Variants in DLC1 observed in about 807,000 individuals in gnomAD.
The protein encoded by DLC1 is rho GTPase-activating protein 7.
Under a neutral mutation model 140.3 loss-of-function variants are expected in DLC1, and 54 were observed. The ratio of observed to expected loss-of-function variants is 0.38; its 90% CI spans 0.31 to 0.48. The LOEUF is 0.48. Among genes scored for constraint, DLC1 ranks in the 20% least tolerant of loss-of-function variants. The pLI, the probability that DLC1 is intolerant of heterozygous loss-of-function variation, is 0.96. For missense variants in DLC1, 2,536 were observed against 1,907.0 expected (o/e 1.33, Z -6.14); for synonymous variants, 986 against 728.1 (o/e 1.35, Z -5.70).
At chr8:13,234,277 G>A (rs1464271221) in intron 5 of DLC1, among the ~76,000 whole-genome samples, 6 of 152,094 alleles carry the variant, frequency 3.9e-5, no homozygotes, top group African/African-American at 1.4e-4. Flanking sequence ...TACTTTTCAT[G>A]TAACTTATTT....
intron 2 of DLC1, among the ~76,000 whole-genome samples, chr8:13,475,402 G>A (rs985558283): frequency 6.6e-6 from 1 of 152,130 alleles, no homozygotes; most frequent in Non-Finnish European, 1.5e-5. Context: ...CCCAGTAAAA[G>A]GCCATCTTTT....
chr8:13,427,043 G>A (rs1000211588), intron 2 of DLC1, among the ~76,000 whole-genome samples: 1 of 152,146 alleles, frequency 6.6e-6, no homozygotes, highest in South Asian at 2.1e-4. Context: ...GGGAGTTCCT[G>A]CTGTTTGCTG....
rs545705037 is a variant in DLC1, at chr8:13,176,301, G to A, written c.1349-60644C>T. The stretch of plus-strand genomic sequence containing the variant: ...TTCTAATAAAAACTCTCTTTTGTCC[G>A]GGTGTGGTGGTTCACTCCTGTAATC... On this transcript the variant is annotated intron_variant, in intron 5 of 17. Transcript: ENST00000276297. 3.3e-4 allele frequency among the ~76,000 whole-genome samples: 51 copies of A among 152,252 alleles called. No homozygotes were observed. The South Asian group carries it at 5.4e-3, about 16-fold the overall frequency.
chr8:13,440,866 C>T (rs562643351), intron 2 of DLC1, among the ~76,000 whole-genome samples: 1 of 152,148 alleles, frequency 6.6e-6, no homozygotes, highest in Non-Finnish European at 1.5e-5. Context: ...GATTCTGAGG[C>T]CTCTCCAGCC....
intron 1 of DLC1, among the ~76,000 whole-genome samples, chr8:13,560,760 G>C (rs944554961): frequency 3.3e-5 from 5 of 152,132 alleles, no homozygotes; most frequent in Middle Eastern, 6.8e-3. Context: ...TATGGCTAGT[G>C]TCCCTGTGGG....
chr8:13,089,849 C>G (rs959364543), intron 15 of DLC1, among the ~76,000 whole-genome samples: 4 of 152,112 alleles, frequency 2.6e-5, no homozygotes. Flanking sequence ...AAGGGATCCC[C>G]GCTCATTAAA....
chr8:13,135,480 C>T lies in DLC1; in HGVS notation c.1349-19823G>A, dbSNP rs573045111. On this transcript the variant is annotated intron_variant, in intron 5 of 17. Transcript: ENST00000276297. ...ACAGGCGTGAGCCACCGCGCCCGGT[C>T]GAGAAGCCATTTTAATGGAAGAACG... Among the ~76,000 whole-genome samples, 6 of 152,122 alleles carry T rather than the reference C, an allele frequency of 3.9e-5. No homozygotes were observed. The East Asian group carries it at 9.7e-4, about 25-fold the overall frequency.
intron 5 of DLC1, among the ~76,000 whole-genome samples, chr8:13,195,972 G>A (rs565591556): frequency 6.6e-6 from 1 of 152,192 alleles, no homozygotes; most frequent in South Asian, 2.1e-4. Flanking sequence ...GATAATTCAA[G>A]AAGAGAAAAG....
chr8:13,591,077 C>G (rs1805499621), intron 1 of DLC1, among the ~76,000 whole-genome samples: 1 of 151,914 alleles, frequency 6.6e-6, no homozygotes, highest in African/African-American at 2.4e-5. Flanking sequence ...GAAAAAGAAA[C>G]AGGTCACAGA....
chr8:13,154,455 CTGCCCAGGGCCGGCGGTGCCGGCCA>C (rs1386022474), intron 5 of DLC1, among the ~76,000 whole-genome samples: 1 of 152,238 alleles, frequency 6.6e-6, no homozygotes, highest in Non-Finnish European at 1.5e-5. Context: ...AAGCCCCTTA[CTGCCCAGGGCCGGCGGTGCCGGCCA>C]GCTGCTCCGA....
Position 13,150,058 on chromosome 8 carries a change from G to A in DLC1, c.1349-34401C>T, listed in dbSNP as rs141610335. On this transcript the variant is annotated intron_variant, in intron 5 of 17. Transcript: ENST00000276297. ...AGGGTGTTGTATTGCCCATAAAACC[G>A]ACACCACTTGAATGTCTTTTGTGGT... is the stretch of plus-strand genomic sequence containing the variant. 1.6e-3 allele frequency among the ~76,000 whole-genome samples: 240 copies of A among 152,238 alleles called. 3 individuals are homozygous for A. Among genetic ancestry groups the A allele is most frequent in the Non-Finnish European group, 3.5e-4 (24 of 68,026 alleles).
At chr8:13,258,812 A>T (rs2117319843) in intron 5 of DLC1, among the ~76,000 whole-genome samples, 1 of 152,256 alleles carries the variant, frequency 6.6e-6, no homozygotes, top group African/African-American at 2.4e-5. Flanking sequence ...TAGACTCTAG[A>T]ATACTCAATT....
chr8:13,090,855 G>C (rs1818003107), intron 14 of DLC1, among the ~76,000 whole-genome samples: 1 of 148,580 alleles, frequency 6.7e-6, no homozygotes, highest in Non-Finnish European at 1.5e-5. Flanking sequence ...ACCTAGTGGA[G>C]TGCAGTGGCA....
intron 1 of DLC1, among the ~76,000 whole-genome samples, chr8:13,524,788 T>G (rs1339668531): frequency 6.6e-6 from 1 of 152,154 alleles, no homozygotes; most frequent in African/African-American, 2.4e-5. Context: ...TCTTCCAGAC[T>G]TCAGTTGCTT....
chr8:13,220,695 G>T (rs541716197), intron 5 of DLC1, among the ~76,000 whole-genome samples: 264 of 152,252 alleles, frequency 1.7e-3, no homozygotes, highest in African/African-American at 5.8e-3. Context: ...GTGGGGACAT[G>T]CACAGCATAT....
intron 5 of DLC1, among the ~76,000 whole-genome samples, chr8:13,222,377 C>T (rs1284389511): frequency 1.3e-5 from 2 of 152,112 alleles, no homozygotes; most frequent in East Asian, 1.9e-4. Flanking sequence ...GTGTTTGAGA[C>T]ATTACATTCC....
At chr8:13,218,999 A>ATT (rs1563173972) in intron 5 of DLC1, among the ~76,000 whole-genome samples, 21 of 88,590 alleles carry the variant, frequency 2.4e-4, no homozygotes, top group African/African-American at 9.2e-4. Context: ...ATTATATACG[A>ATT]ATATAATTAT....
intron 5 of DLC1, among the ~76,000 whole-genome samples, chr8:13,221,855 A>C (rs1026856227): frequency 6.9e-6 from 1 of 144,526 alleles, no homozygotes; most frequent in African/African-American, 2.5e-5. Context: ...AAATATATTA[A>C]TATATTAATA....
chr8:13,453,511 T>C lies in DLC1; in HGVS notation c.1023+45538A>G, dbSNP rs1446288692. Among the ~76,000 whole-genome samples the C allele has an allele frequency of 7.3e-4, 23 of 31,480 alleles. 4 individuals are homozygous for C. The highest frequency in any genetic ancestry group is 3.2e-3 in the African/African-American group (20 of 6,232). 20.7% of individuals were successfully genotyped at this position (31,480 alleles called of 152,430 possible). On this transcript the variant is annotated intron_variant, in intron 2 of 17. Coordinates refer to ENST00000276297, the MANE Select transcript of DLC1 (RefSeq NM_182643.3). ...ATATACATATATATATGTATATATA[T>C]ATACATATATATATATGTATATATA... is the stretch of plus-strand genomic sequence containing the variant.
Sources: gnomAD v4.1 joint callset for allele counts (sites outside exome capture counted in the v4.1 genomes callset) on GRCh38, gnomAD v4.1.1 for gene constraint, MANE v1.5 for transcripts, NCBI Gene and HGNC (gene_info 2026-07-23, HGNC 2026-07-21) for gene names.